Variants in MAPK9 observed in about 807,000 individuals in gnomAD.
MAPK9 encodes the protein Jun kinase.
Under a neutral mutation model 57.1 loss-of-function variants are expected in MAPK9, and 30 were observed. That is an observed-to-expected ratio of 0.53 (90% CI 0.39 to 0.71). The LOEUF is 0.71. MAPK9 is among the 30% of genes least tolerant of loss of function. The pLI is 0.00. For missense variants in MAPK9, 362 were observed against 521.0 expected, an observed-to-expected ratio of 0.69 and a Z score of 2.97; for synonymous variants, 155 against 177.0, an observed-to-expected ratio of 0.88 and a Z score of 0.99.
Position 180,280,531 on chromosome 5 carries a change from A to C in MAPK9, c.31T>G (p.Tyr11Asp). 6.2e-7 allele frequency: 1 copy of C among 1,614,194 alleles called. No homozygotes were observed. The highest frequency in any genetic ancestry group is 1.1e-5 in the South Asian group (1 of 91,074). MSDSKCDSQF[Y>D]SVQVADSTFT... ...GTTGAGTCTGCCACTTGCACACTATAAAACTGACTGTCACATTTACTGTCG... is the reference window on the plus strand; with the variant it reads ...GTTGAGTCTGCCACTTGCACACTATCAAACTGACTGTCACATTTACTGTCG... Residue 11 changes from tyrosine to aspartate, a missense_variant, in exon 2 of 12, where the codon TAT (tyrosine) becomes GAT (aspartate). This residue lies in a region of MAPK9 where 36 missense variants were observed against 38.0 expected (regional missense o/e 0.95). Coordinates refer to ENST00000452135, the MANE Select transcript of MAPK9 (RefSeq NM_002752.5).
chr5:180,285,719 T>C (rs114767663), intron 1 of MAPK9, among the ~76,000 whole-genome samples: 3,065 of 151,680 alleles, frequency 0.02, 110 homozygotes, highest in African/African-American at 0.07. Flanking sequence ...AGCCCAAGAG[T>C]TCCAGACCAG....
At chr5:180,258,862 T>TA (rs531705510) in intron 5 of MAPK9, among the ~76,000 whole-genome samples, 31,593 of 95,812 alleles carry the variant, frequency 0.33, 5,670 homozygotes, top group Non-Finnish European at 0.41. Context: ...CTGTCTCTAC[T>TA]AAAAAAAAAA....
intron 5 of MAPK9, among the ~76,000 whole-genome samples, chr5:180,251,732 A>AGTGACGCCTGTATCGGGGC (rs1554122532): frequency 1.3e-5 from 2 of 151,764 alleles, no homozygotes; most frequent in African/African-American, 2.4e-5. Flanking sequence ...TACAGATCCA[A>AGTGACGCCTGTATCGGGGC]GTGACGCCTG....
rs1221848509 is a variant in MAPK9, at chr5:180,284,938, C to G, written c.-47-4330G>C. Among the ~76,000 whole-genome samples, 3 of 152,316 alleles carry G rather than the reference C, an allele frequency of 2.0e-5. No homozygotes were observed. The South Asian group carries it at 6.2e-4, about 32-fold the overall frequency. On this transcript the variant is annotated intron_variant, in intron 1 of 11. Coordinates refer to ENST00000452135, the MANE Select transcript of MAPK9 (RefSeq NM_002752.5). ...CGCATACACACGCACATACACAATG[C>G]TGGCAAGTAGAGAAATAGTGGGAAA...
intron 2 of MAPK9, among the ~76,000 whole-genome samples, chr5:180,274,251 A>G (rs1761617403): frequency 6.6e-6 from 1 of 152,226 alleles, no homozygotes; most frequent in Non-Finnish European, 1.5e-5. Flanking sequence ...CTGCTAGTAT[A>G]TAAATATGCA....
chr5:180,257,371 G>C (rs1329080134), intron 5 of MAPK9, among the ~76,000 whole-genome samples: 2 of 152,222 alleles, frequency 1.3e-5, no homozygotes, highest in Non-Finnish European at 2.9e-5. Context: ...AGGCTCTGCT[G>C]TTCTTGTCTC....
chr5:180,291,433 T>C (rs921578348), intron 1 of MAPK9, among the ~76,000 whole-genome samples: 1 of 152,172 alleles, frequency 6.6e-6, no homozygotes, highest in Non-Finnish European at 1.5e-5. Context: ...TCACACAGCC[T>C]GACAACAACC....
chr5:180,239,598 T>C (rs1041023917), intron 10 of MAPK9, among the ~76,000 whole-genome samples: 3 of 152,246 alleles, frequency 2.0e-5, no homozygotes, highest in Admixed American at 6.5e-5. Context: ...TTAAAACATA[T>C]GTACAACTAC....
Position 180,237,989 on chromosome 5 carries a change from T to G in MAPK9, c.1132+343A>C, listed in dbSNP as rs1757314776. On this transcript the variant is annotated intron_variant, in intron 11 of 11. Transcript: ENST00000452135. ...CCGTCTCTACTAAAAATACAAAAAT[T>G]AGCCAGGCATGGTGGTGCGTGCCTG... is the stretch of plus-strand genomic sequence containing the variant. 4 of 171,126 alleles carry G rather than the reference T, an allele frequency of 2.3e-5. No homozygotes were observed. In the Admixed American group the frequency reaches 2.5e-4, roughly 11 times the overall value. The allele number at this position is 171,126 out of a possible 1,614,324, so 10.6% of individuals were successfully genotyped here.
At chr5:180,236,914 G>T (rs1048996951) in intron 11 of MAPK9, 3 of 155,608 alleles carry the variant, frequency 1.9e-5, no homozygotes, top group African/African-American at 7.2e-5. Context: ...AGTGTCACCA[G>T]ACACTTGAAT....
At chr5:180,255,393 T>C (rs1422744427) in intron 5 of MAPK9, among the ~76,000 whole-genome samples, 1 of 151,810 alleles carries the variant, frequency 6.6e-6, no homozygotes, top group East Asian at 1.9e-4. Flanking sequence ...TTCGAGCAGG[T>C]GCAGTGGCAG....
At chr5:180,273,381 T>C (rs964590186) in intron 2 of MAPK9, among the ~76,000 whole-genome samples, 1 of 152,156 alleles carries the variant, frequency 6.6e-6, no homozygotes, top group African/African-American at 2.4e-5. Context: ...CAATCTTCTA[T>C]GATAATTTTT....
Position 180,247,067 on chromosome 5 carries a change from C to T in MAPK9, c.688+372G>A, listed in dbSNP as rs375305397. 13 of 230,192 alleles carry T rather than the reference C, an allele frequency of 5.6e-5. No homozygotes were observed. The East Asian group carries it at 1.4e-3, about 25-fold the overall frequency. 14.3% of individuals were successfully genotyped at this position (230,192 alleles called of 1,614,324 possible). On this transcript the variant is annotated intron_variant, in intron 7 of 11. Transcript: ENST00000452135. The surrounding 1 kb of genome is among the most constrained non-coding windows in gnomAD (Gnocchi z 4.5). ...CTAGCCTATTAAATTTAGATAGCAT[C>T]TTTCCTAGTTAAATTAACGGAATAA... is the stretch of plus-strand genomic sequence containing the variant.
At chr5:180,267,309 C>G (rs1043999081) in intron 3 of MAPK9, among the ~76,000 whole-genome samples, 2 of 151,832 alleles carry the variant, frequency 1.3e-5, no homozygotes, top group South Asian at 4.2e-4. Flanking sequence ...CGCCTGTAAT[C>G]CCAGCACTTT....
At position 180,235,186 on chromosome 5, in the gene MAPK9, C is replaced by A. The variant is rs959785602; in HGVS notation, c.*1198G>T. 6.6e-6 allele frequency: 1 copy of A among 152,202 alleles called. No homozygotes were observed. The highest frequency in any genetic ancestry group is 1.9e-4 in the East Asian group (1 of 5,196). The allele number at this position is 152,202 out of a possible 1,614,324, so 9.4% of individuals were successfully genotyped here. A position where few individuals can be genotyped will look rare whatever the true frequency, so the allele number is the denominator to read the frequency against. On this transcript the variant is annotated 3_prime_UTR_variant, in exon 12 of 12. Transcript: ENST00000452135. ...ATGACTCTTCAGGGTATTTCCTTCA[C>A]GTCCTCTGAAGAGTTTCCCAGAACA...
intron 2 of MAPK9, among the ~76,000 whole-genome samples, chr5:180,273,217 CT>C (rs869109707): frequency 9.1e-6 from 1 of 110,130 alleles, no homozygotes; most frequent in African/African-American, 2.7e-5. Flanking sequence ...GTTTGTCTAT[CT>C]TTATAATCTT....
intron 2 of MAPK9, among the ~76,000 whole-genome samples, chr5:180,270,706 C>T (rs1489220609): frequency 6.6e-6 from 1 of 151,718 alleles, no homozygotes; most frequent in African/African-American, 2.4e-5. Context: ...CAAAGATTAG[C>T]TGAGTGTGGT....
At chr5:180,243,183 A>G (rs184057385) in intron 7 of MAPK9, among the ~76,000 whole-genome samples, 52 of 152,218 alleles carry the variant, frequency 3.4e-4, no homozygotes, top group African/African-American at 1.2e-3. Flanking sequence ...ACCTGTGGAG[A>G]GACCTATCTG....
chr5:180,244,796 A>G (rs893521583), intron 7 of MAPK9, among the ~76,000 whole-genome samples: 5 of 131,676 alleles, frequency 3.8e-5, no homozygotes, highest in African/African-American at 5.6e-5. Flanking sequence ...AAAAAAAAAA[A>G]GGAAAGAAAA....
Sources: gnomAD v4.1 joint callset for allele counts (sites outside exome capture counted in the v4.1 genomes callset) on GRCh38, gnomAD v4.1.1 for gene constraint, gnomAD v4.1.1 regional missense constraint, Gnocchi (gnomAD v3.1) non-coding constraint, MANE v1.5 for transcripts, NCBI Gene and HGNC (gene_info 2026-07-23, HGNC 2026-07-21) for gene names.